The following CDKAL1 variants were observed in gnomAD, a reference collection of about 807,000 sequenced individuals.
CDKAL1 encodes threonylcarbamoyladenosine tRNA methylthiotransferase.
In CDKAL1, 32 loss-of-function variants were observed where a neutral mutation model predicts 68.2. That is an observed-to-expected ratio of 0.47 (90% CI 0.35 to 0.63). The LOEUF (loss-of-function observed/expected upper bound fraction) is 0.63. Ranked by LOEUF, CDKAL1 falls within the 30% of genes least tolerant of loss-of-function variation. CDKAL1 has a pLI of 0.00. For synonymous variants in CDKAL1, 234 were observed against 244.3 expected (o/e 0.96, Z 0.39); for missense variants, 606 against 696.7 (o/e 0.87, Z 1.47).
At chr6:21,109,877 G>A (rs1445220160) in intron 13 of CDKAL1, among the ~76,000 whole-genome samples, 1 of 152,092 alleles carries the variant, frequency 6.6e-6, no homozygotes, top group Admixed American at 6.5e-5. Context: ...TCTAAATTTC[G>A]CCCACTTGTA....
At chr6:20,828,256 T>A (rs892372285) in intron 8 of CDKAL1, among the ~76,000 whole-genome samples, 1 of 152,026 alleles carries the variant, frequency 6.6e-6, no homozygotes, top group Non-Finnish European at 1.5e-5. Context: ...TGAGACAGAG[T>A]CTTGCTCTGT....
At chr6:21,204,721 G>T (rs566976158) in intron 15 of CDKAL1, among the ~76,000 whole-genome samples, 1 of 152,292 alleles carries the variant, frequency 6.6e-6, no homozygotes, top group South Asian at 2.1e-4. Flanking sequence ...AAATTTGAAG[G>T]TAGAAGAGGG....
intron 5 of CDKAL1, among the ~76,000 whole-genome samples, chr6:20,736,488 C>T (rs1037677112): frequency 6.6e-6 from 1 of 151,996 alleles, no homozygotes; most frequent in African/African-American, 2.4e-5. Context: ...AAAAATCTTC[C>T]GGCCGGGGGC....
intron 7 of CDKAL1, among the ~76,000 whole-genome samples, chr6:20,774,805 A>G (rs1446076299): frequency 1.3e-5 from 2 of 152,176 alleles, no homozygotes; most frequent in Non-Finnish European, 1.5e-5. Context: ...AACATTCTTT[A>G]ATGGATTAGA....
intron 4 of CDKAL1, among the ~76,000 whole-genome samples, chr6:20,551,153 C>T (rs1251558680): frequency 6.6e-6 from 1 of 152,028 alleles, no homozygotes; most frequent in African/African-American, 2.4e-5. Flanking sequence ...GCGTGAGCCA[C>T]TGTGCTCGGC....
At chr6:20,746,764 A>G (rs904872127) in intron 6 of CDKAL1, among the ~76,000 whole-genome samples, 6 of 152,252 alleles carry the variant, frequency 3.9e-5, no homozygotes, top group African/African-American at 9.6e-5. Flanking sequence ...TTTAAGGTGT[A>G]CAATGTTTTT....
chr6:21,102,826 G>T (rs927552763), intron 12 of CDKAL1, among the ~76,000 whole-genome samples: 1 of 152,144 alleles, frequency 6.6e-6, no homozygotes, highest in Non-Finnish European at 1.5e-5. Flanking sequence ...TGTCCAGTTC[G>T]TGAGTTGCCT....
chr6:21,186,156 G>A (rs992584931), intron 13 of CDKAL1, among the ~76,000 whole-genome samples: 1 of 152,140 alleles, frequency 6.6e-6, no homozygotes, highest in Admixed American at 6.5e-5. Context: ...AAAGATTGTG[G>A]CAGTGCCTTT....
chr6:20,677,340 G>T (rs1273874379), intron 5 of CDKAL1, among the ~76,000 whole-genome samples: 1 of 152,154 alleles, frequency 6.6e-6, no homozygotes, highest in Non-Finnish European at 1.5e-5. Context: ...AAAGTGTTGG[G>T]ATTACAGGCG....
chr6:20,897,219 C>T (rs147398498), intron 9 of CDKAL1, among the ~76,000 whole-genome samples: 6 of 152,262 alleles, frequency 3.9e-5, no homozygotes, highest in East Asian at 1.9e-4. Context: ...ACCTAATCAC[C>T]ACCCAAAAGG....
intron 4 of CDKAL1, among the ~76,000 whole-genome samples, chr6:20,550,860 C>CTT (rs70990044): frequency 0.019 from 1,413 of 72,916 alleles, 1 homozygote; most frequent in Middle Eastern, 0.039. Flanking sequence ...GAGGTTGTGT[C>CTT]TTTTTTTTTT....
At chr6:21,159,760 A>C (rs1455346106) in intron 13 of CDKAL1, among the ~76,000 whole-genome samples, 1 of 152,206 alleles carries the variant, frequency 6.6e-6, no homozygotes, top group East Asian at 1.9e-4. Flanking sequence ...CTTGGTTGAG[A>C]TCTTACCTCC....
chr6:21,113,699 C>T (rs1343795407), intron 13 of CDKAL1, among the ~76,000 whole-genome samples: 1 of 151,376 alleles, frequency 6.6e-6, no homozygotes, highest in Non-Finnish European at 1.5e-5. Flanking sequence ...GAACTCCTGA[C>T]CTCAGGTGAT....
rs114356790 is a variant in CDKAL1 at position 20,602,265 on chromosome 6, G to C, written c.287-47028G>C. Reference sequence around the variant, plus strand: ...TCTGCTTCCCTTTATTTATCAGTCAGCATATAAGGGAAGGTCTTTGAACAG... The same window carrying C: ...TCTGCTTCCCTTTATTTATCAGTCACCATATAAGGGAAGGTCTTTGAACAG... On this transcript the variant is annotated intron_variant, in intron 4 of 15. Coordinates refer to ENST00000274695, the MANE Select transcript of CDKAL1 (RefSeq NM_017774.3). Among the ~76,000 whole-genome samples the C allele has an allele frequency of 3.7e-3, 567 of 152,238 alleles. 4 individuals carry two copies. The highest frequency in any genetic ancestry group is 0.013 in the African/African-American group (545 of 41,540).
chr6:20,844,521 A>T (rs1367436743), intron 8 of CDKAL1, among the ~76,000 whole-genome samples: 1 of 151,814 alleles, frequency 6.6e-6, no homozygotes, highest in African/African-American at 2.4e-5. Context: ...AGATAGGGAA[A>T]CCCAACTCTG....
intron 5 of CDKAL1, among the ~76,000 whole-genome samples, chr6:20,696,822 C>T (rs548633202): frequency 6.1e-4 from 93 of 152,136 alleles, no homozygotes; most frequent in African/African-American, 2.1e-3. Context: ...TCCAGCTTTC[C>T]CCAGTTAGGA....
intron 13 of CDKAL1, among the ~76,000 whole-genome samples, chr6:21,164,548 G>A (rs1295390096): frequency 1.3e-5 from 2 of 150,392 alleles, no homozygotes; most frequent in Non-Finnish European, 2.9e-5. Context: ...TCCCTGTCCT[G>A]GAACTAAATT....
chr6:21,131,805 A>AT (rs145900960), intron 13 of CDKAL1, among the ~76,000 whole-genome samples: 22,983 of 152,114 alleles, frequency 0.15, 1,888 homozygotes, highest in Middle Eastern at 0.2. Context: ...TTTTAAAAAT[A>AT]TTTTTTTAAA....
In CDKAL1 at chr6:20,546,394, A is replaced by C; in HGVS notation, c.44A>C (p.Asp15Ala). The change falls in exon 3 of 16, where the codon GAT becomes GCT. Residue 15 changes from aspartate to alanine, a missense_variant. Coordinates refer to ENST00000274695, the MANE Select transcript of CDKAL1 (RefSeq NM_017774.3). ...SCDTLLDDIE[D>A]IVSQEDSKPQ... Reference sequence around the variant, plus strand: ...GATACACTACTGGATGACATCGAAGATATCGTGTCTCAGGAAGATTCAAAA... The same window carrying C: ...GATACACTACTGGATGACATCGAAGCTATCGTGTCTCAGGAAGATTCAAAA... 1.2e-6 allele frequency: 2 copies of C among 1,614,006 alleles called. No homozygotes were observed. The highest frequency in any genetic ancestry group is 1.7e-6 in the Non-Finnish European group (2 of 1,179,888).
Sources: allele counts gnomAD v4.1 joint callset (sites outside exome capture counted in the v4.1 genomes callset), GRCh38; gene constraint gnomAD v4.1.1; transcripts MANE v1.5; gene names NCBI Gene and HGNC (gene_info 2026-07-23, HGNC 2026-07-21).